ESRRG: variants seen among roughly 807,000 people sequenced by gnomAD.
ESRRG encodes the protein estrogen-related receptor gamma.
ESRRG carries 13 observed loss-of-function variants against 44.0 expected under a neutral mutation model. The observed-to-expected ratio is 0.30, with a 90% CI of 0.19 to 0.47. ESRRG has a LOEUF of 0.47. Ranked by LOEUF, ESRRG falls within the 20% of genes least tolerant of loss-of-function variation. The pLI, the probability that ESRRG is intolerant of heterozygous loss-of-function variation, is 1.00. For synonymous variants in ESRRG, 215 were observed against 214.6 expected (o/e 1.00, Z -0.02); for missense variants, 395 against 580.6 (o/e 0.68, Z 3.29).
chr1:216,726,625 C>T (rs941168335), upstream of ESRRG, among the ~76,000 whole-genome samples: 13 of 152,088 alleles, frequency 8.5e-5, no homozygotes, highest in Non-Finnish European at 1.3e-4. Context: ...AAGGAGTCTA[C>T]CCAAATCAAG....
intron 2 of ESRRG, among the ~76,000 whole-genome samples, chr1:216,728,455 T>A (rs1052708733): frequency 2.6e-5 from 4 of 151,560 alleles, no homozygotes; most frequent in African/African-American, 9.7e-5. Flanking sequence ...CAATCATGTG[T>A]GTGATAGTGT....
intron 5 of ESRRG, among the ~76,000 whole-genome samples, chr1:216,520,917 A>G (rs150693029): frequency 2.0e-5 from 3 of 152,330 alleles, no homozygotes; most frequent in African/African-American, 7.2e-5. Context: ...ATATGATATT[A>G]GAAACTACAG....
chr1:216,692,919 A>G (rs745903665), intron 1 of ESRRG, among the ~76,000 whole-genome samples: 2 of 152,202 alleles, frequency 1.3e-5, no homozygotes, highest in Non-Finnish European at 2.9e-5. Context: ...AGGTTGGTGT[A>G]AATACACTCT....
intron 2 of ESRRG, among the ~76,000 whole-genome samples, chr1:216,663,967 A>C (rs2073217848): frequency 6.6e-6 from 1 of 152,156 alleles, no homozygotes; most frequent in Non-Finnish European, 1.5e-5. Flanking sequence ...CTCAAGCTTC[A>C]CATTTAAGGG....
chr1:216,686,247 C>T (rs981011588), intron 1 of ESRRG: 7 of 151,810 alleles, frequency 4.6e-5, no homozygotes, highest in Non-Finnish European at 5.9e-5. Flanking sequence ...ATTATTAATC[C>T]TAAAAATTCC....
chr1:217,020,090 T>C (rs1452919819), intron 1 of ESRRG, among the ~76,000 whole-genome samples: 1 of 152,110 alleles, frequency 6.6e-6, no homozygotes, highest in African/African-American at 2.4e-5. Context: ...CACTCTCCCT[T>C]TCCTCCTCTT....
At chr1:216,819,795 T>C (rs1171484224) in intron 2 of ESRRG, among the ~76,000 whole-genome samples, 1 of 152,180 alleles carries the variant, frequency 6.6e-6, no homozygotes. Flanking sequence ...TGTAACACCA[T>C]TTTAGAAAAT....
intron 6 of ESRRG, among the ~76,000 whole-genome samples, chr1:216,516,487 C>T (rs1438869839): frequency 6.6e-6 from 1 of 151,960 alleles, no homozygotes; most frequent in Admixed American, 6.6e-5. Context: ...TTAAAATAAG[C>T]TAAAATTTAA....
chr1:216,804,347 C>T (rs933286132), intron 2 of ESRRG, among the ~76,000 whole-genome samples: 1 of 152,160 alleles, frequency 6.6e-6, no homozygotes, highest in African/African-American at 2.4e-5. Context: ...CTTGACTATA[C>T]AAGAACCAGT....
At chr1:216,943,824 T>G (rs2065651801) in intron 1 of ESRRG, among the ~76,000 whole-genome samples, 1 of 152,092 alleles carries the variant, frequency 6.6e-6, no homozygotes, top group Non-Finnish European at 1.5e-5. Context: ...GGGGTTTGAT[T>G]ATTTGAAGAT....
intron 1 of ESRRG, among the ~76,000 whole-genome samples, chr1:217,127,286 G>A (rs1558291276): frequency 1.3e-5 from 2 of 152,132 alleles, no homozygotes; most frequent in Non-Finnish European, 2.9e-5. Context: ...TTGGTTATAA[G>A]CTATTTTTCA....
At chr1:216,620,025 C>T (rs181452592) in intron 3 of ESRRG, among the ~76,000 whole-genome samples, 2 of 152,116 alleles carry the variant, frequency 1.3e-5, no homozygotes, top group African/African-American at 4.8e-5. Flanking sequence ...TTATTAGGTA[C>T]TAAAAATCTA....
intron 3 of ESRRG, among the ~76,000 whole-genome samples, chr1:216,588,533 T>C (rs1378298301): frequency 6.6e-6 from 1 of 152,210 alleles, no homozygotes; most frequent in African/African-American, 2.4e-5. Context: ...ATAAAATCAG[T>C]TATTACACCC....
rs2093607307 is a variant in ESRRG at position 216,776,187 on chromosome 1, T to C, written c.-13-98696A>G. ...GCCTACATTTAGAATCCTTTCTCACTATCACCACTCCCTTCCCTACCAAGC... is the reference window on the plus strand; with the variant it reads ...GCCTACATTTAGAATCCTTTCTCACCATCACCACTCCCTTCCCTACCAAGC... On this transcript the variant is annotated intron_variant, in intron 2 of 7. Transcript: ENST00000359162. Among the ~76,000 whole-genome samples, 7 of 152,122 alleles carry C rather than the reference T, an allele frequency of 4.6e-5. No homozygotes were observed. The South Asian group carries it at 1.4e-3, about 31-fold the overall frequency.
At chr1:216,732,157 AAAAG>A in intron 2 of ESRRG, among the ~76,000 whole-genome samples, 1 of 152,128 alleles carries the variant, frequency 6.6e-6, no homozygotes, top group East Asian at 1.9e-4. Context: ...CATAAAAAAA[AAAAG>A]AAGTGGAATA....
chr1:216,754,870 AACTGAC>A (rs2092348814), intron 2 of ESRRG, among the ~76,000 whole-genome samples: 1 of 151,878 alleles, frequency 6.6e-6, no homozygotes, highest in Admixed American at 6.6e-5. Context: ...GATAATTGAG[AACTGAC>A]TACACAGATG....
At chr1:217,079,156 G>T (rs140327761) in intron 1 of ESRRG, among the ~76,000 whole-genome samples, 2 of 152,360 alleles carry the variant, frequency 1.3e-5, no homozygotes, top group Non-Finnish European at 2.9e-5. Flanking sequence ...GAGAGACAGA[G>T]ACAGAAGGTA....
chr1:217,096,286 C>T (rs2151558874), intron 1 of ESRRG, among the ~76,000 whole-genome samples: 1 of 152,270 alleles, frequency 6.6e-6, no homozygotes, highest in South Asian at 2.1e-4. Context: ...AAGAGTTTTC[C>T]TTGGCAACCA....
intron 1 of ESRRG, among the ~76,000 whole-genome samples, chr1:216,968,079 A>G (rs2070834643): frequency 6.6e-6 from 1 of 151,926 alleles, no homozygotes; most frequent in Admixed American, 6.6e-5. Context: ...TTATTTTTTA[A>G]TTGGGTTATT....
Sources: allele counts gnomAD v4.1 joint callset (sites outside exome capture counted in the v4.1 genomes callset), GRCh38; gene constraint gnomAD v4.1.1; transcripts MANE v1.5; gene names NCBI Gene and HGNC (gene_info 2026-07-23, HGNC 2026-07-21).